The following EIF4G3 variants were observed in gnomAD, a reference collection of about 807,000 sequenced individuals.
EIF4G3 encodes the protein eIF-4-gamma 3.
In EIF4G3, 34 loss-of-function variants were observed where a neutral mutation model predicts 186.4. The observed-to-expected ratio is 0.18, with a 90% CI of 0.14 to 0.24. The LOEUF is 0.24. EIF4G3 is among the 10% of genes least tolerant of loss of function. The pLI is 1.00. For synonymous variants in EIF4G3, 673 were observed against 679.5 expected (o/e 0.99, Z 0.15); for missense variants, 1,536 against 1,948.5 (o/e 0.79, Z 3.99).
chr1:21,033,129 A>C (rs141842570), intron 4 of EIF4G3, among the ~76,000 whole-genome samples: 215 of 152,318 alleles, frequency 1.4e-3, no homozygotes, highest in Admixed American at 5.9e-3. Context: ...TGACTTTCTG[A>C]GTGGTTATCC....
chr1:21,137,019 T>C (rs1435768794), intron 2 of EIF4G3, among the ~76,000 whole-genome samples: 1 of 144,578 alleles, frequency 6.9e-6, no homozygotes, highest in Non-Finnish European at 1.5e-5. Flanking sequence ...TTTTATATAT[T>C]GAGTCAAATA....
At chr1:20,814,807 C>T (rs1416299686) in intron 34 of EIF4G3, among the ~76,000 whole-genome samples, 1 of 122,346 alleles carries the variant, frequency 8.2e-6, no homozygotes. Context: ...CCACAGTCTC[C>T]TTCCACGGTC....
chr1:20,821,140 A>G (rs970727611), intron 33 of EIF4G3, among the ~76,000 whole-genome samples: 1 of 152,240 alleles, frequency 6.6e-6, no homozygotes, highest in African/African-American at 2.4e-5. Flanking sequence ...TACTGCTTAA[A>G]TACTTTTGAT....
intron 4 of EIF4G3, among the ~76,000 whole-genome samples, chr1:21,046,605 G>T (rs1050672486): frequency 6.6e-6 from 1 of 152,204 alleles, no homozygotes; most frequent in African/African-American, 2.4e-5. Context: ...TGGACAAAAA[G>T]ATTTAATTCA....
At chr1:21,061,103 AG>A (rs1166018083) in intron 3 of EIF4G3, among the ~76,000 whole-genome samples, 6 of 152,220 alleles carry the variant, frequency 3.9e-5, no homozygotes. Flanking sequence ...TATGGATATC[AG>A]GGATGGATTT....
intron 14 of EIF4G3, among the ~76,000 whole-genome samples, chr1:20,937,218 C>T (rs1217569177): frequency 2.0e-5 from 3 of 152,284 alleles, no homozygotes; most frequent in South Asian, 4.1e-4. Context: ...TGAACCAACA[C>T]AGTGATGATG....
Position 21,026,177 on chromosome 1 carries a change from G to A in EIF4G3, c.-66-23369C>T, listed in dbSNP as rs549124850. On this transcript the variant is annotated intron_variant, in intron 4 of 36. Transcript: ENST00000602326. ...CAAATCTGCAAAAATGAAAAGTGCA[G>A]TACTGGTGTAAAAATAAACCAAAAG... Among the ~76,000 whole-genome samples the A allele has an allele frequency of 5.3e-5, 8 of 152,246 alleles. No individual in the cohort carries two copies. In the East Asian group the frequency reaches 1.3e-3, roughly 26 times the overall value.
chr1:20,833,885 C>T (rs191764427), intron 30 of EIF4G3, among the ~76,000 whole-genome samples: 180 of 152,262 alleles, frequency 1.2e-3, no homozygotes, highest in East Asian at 2.7e-3. Context: ...CCTTTGAAAA[C>T]GGGCACAAGA....
chr1:21,162,532 A>G, intron 2 of EIF4G3, among the ~76,000 whole-genome samples: 1 of 151,688 alleles, frequency 6.6e-6, no homozygotes. Flanking sequence ...GGATCACTTG[A>G]GGAGTTCAAG....
chr1:21,068,375 TAAAAAAA>T (rs869306512), intron 3 of EIF4G3, among the ~76,000 whole-genome samples: 1,698 of 67,872 alleles, frequency 0.025, 57 homozygotes, highest in African/African-American at 0.068. Flanking sequence ...ACTCTGTCTT[TAAAAAAA>T]AAAAAAAAAA....
At chr1:21,047,826 T>G (rs2093982524) in intron 4 of EIF4G3, among the ~76,000 whole-genome samples, 1 of 152,210 alleles carries the variant, frequency 6.6e-6, no homozygotes, top group African/African-American at 2.4e-5. Flanking sequence ...CATGGAACTC[T>G]TCATTTTTCC....
At chr1:21,083,485 CACT>C (rs918236489) in intron 3 of EIF4G3, among the ~76,000 whole-genome samples, 2 of 129,506 alleles carry the variant, frequency 1.5e-5, no homozygotes, top group African/African-American at 2.8e-5. Context: ...GCCACACACA[CACT>C]TTTTTTTTTT....
intron 12 of EIF4G3, among the ~76,000 whole-genome samples, chr1:20,954,449 T>C (rs902523710): frequency 1.3e-5 from 2 of 148,438 alleles, no homozygotes; most frequent in African/African-American, 2.5e-5. Flanking sequence ...GGCAGGAGAA[T>C]TGCTTGAACT....
chr1:21,004,088 C>T (rs1012837759), intron 4 of EIF4G3, among the ~76,000 whole-genome samples: 7 of 152,162 alleles, frequency 4.6e-5, no homozygotes, highest in African/African-American at 1.4e-4. Flanking sequence ...GCTATTGCTA[C>T]GGTGTGCTTT....
intron 2 of EIF4G3, among the ~76,000 whole-genome samples, chr1:21,155,783 G>T (rs1345455422): frequency 6.6e-6 from 1 of 152,090 alleles, no homozygotes; most frequent in Admixed American, 6.6e-5. Context: ...AAACTTAAAT[G>T]TAACTCTCCA....
intron 14 of EIF4G3, among the ~76,000 whole-genome samples, chr1:20,919,498 C>A: frequency 6.6e-6 from 1 of 152,244 alleles, no homozygotes; most frequent in Non-Finnish European, 1.5e-5. Flanking sequence ...AGCCACCAAG[C>A]CTGACCCCAT....
chr1:20,826,481 CTTTTTTTTT>C (rs71014120), intron 32 of EIF4G3, among the ~76,000 whole-genome samples: 11 of 50,656 alleles, frequency 2.2e-4, no homozygotes, highest in Admixed American at 1.1e-3. Flanking sequence ...GTGAGTCTTT[CTTTTTTTTT>C]TTTTTTTTTT....
At chr1:20,951,648 A>T (rs4617371) in intron 12 of EIF4G3, among the ~76,000 whole-genome samples, 143,705 of 152,078 alleles carry the variant, frequency 0.94, 68,406 homozygotes, top group Middle Eastern at 1. Flanking sequence ...TAAGCAGTTA[A>T]CCACATTTCC....
In EIF4G3 at chr1:20,879,368, G is replaced by A. The variant is rs1365391530; in HGVS notation, c.2577C>T (p.Pro859=). 7.5e-6 allele frequency: 12 copies of A among 1,605,546 alleles called. No homozygotes were observed. Among genetic ancestry groups the A allele is most frequent in the Non-Finnish European group, 1.0e-5 (12 of 1,175,796 alleles). Residue 859 remains proline (P), a synonymous_variant, in exon 20 of 37, where the codon CCC becomes CCT. Coordinates refer to ENST00000602326, the MANE Select transcript of EIF4G3 (RefSeq NM_001391906.1). ...DLVFEKAIDE[P]SFSVAYANMC... Reference sequence around the variant, plus strand: ...TGTTTGCGTAAGCCACAGAGAAACTGGGTTCATCAATAGCCTTCTCAAAGA... The same window carrying A: ...TGTTTGCGTAAGCCACAGAGAAACTAGGTTCATCAATAGCCTTCTCAAAGA...
Sources: allele counts gnomAD v4.1 joint callset (sites outside exome capture counted in the v4.1 genomes callset), GRCh38; gene constraint gnomAD v4.1.1; transcripts MANE v1.5; gene names NCBI Gene and HGNC (gene_info 2026-07-23, HGNC 2026-07-21).